Variants in DPH6 observed in about 807,000 individuals in gnomAD.
DPH6 encodes diphthine--ammonia ligase.
A neutral mutation model predicts 38.2 loss-of-function variants in DPH6; 33 were observed. The observed-to-expected ratio is 0.86, with a 90% CI of 0.65 to 1.15. The LOEUF is 1.15. Among genes scored for constraint, DPH6 ranks in the 50% most tolerant of loss-of-function variants. DPH6 has a pLI of 0.00. For missense variants in DPH6, 325 were observed against 320.0 expected, an observed-to-expected ratio of 1.02 and a Z score of -0.12; for synonymous variants, 108 against 103.0, an observed-to-expected ratio of 1.05 and a Z score of -0.30.
At chr15:35,357,011 G>A (rs1014864073) in intron 3 of DPH6, among the ~76,000 whole-genome samples, 4 of 152,026 alleles carry the variant, frequency 2.6e-5, no homozygotes, top group Non-Finnish European at 2.9e-5. Flanking sequence ...CCTCTCTGCC[G>A]CCTTGCAGTT....
chr15:35,483,253 C>A (rs1159678283), intron 3 of DPH6, among the ~76,000 whole-genome samples: 1 of 151,854 alleles, frequency 6.6e-6, no homozygotes. Flanking sequence ...ATCATGAGGT[C>A]AGGAGTTCAA....
At chr15:35,425,376 AT>A (rs1052124380) in intron 5 of DPH6, among the ~76,000 whole-genome samples, 1 of 151,620 alleles carries the variant, frequency 6.6e-6, no homozygotes, top group African/African-American at 2.4e-5. Context: ...CATGAAAGCT[AT>A]TATAGTGTAA....
intron 5 of DPH6, among the ~76,000 whole-genome samples, chr15:35,436,243 G>T (rs532270030): frequency 6.6e-6 from 1 of 151,838 alleles, no homozygotes; most frequent in South Asian, 2.1e-4. Context: ...AAGGCAGGCG[G>T]ATCACGAGGT....
intron 1 of DPH6, among the ~76,000 whole-genome samples, 197 bp from the exon 2 acceptor site, chr15:35,542,704 G>A (rs1267665553): frequency 2.8e-5 from 4 of 144,204 alleles, no homozygotes; most frequent in African/African-American, 8.5e-5. Flanking sequence ...CTACTCACAG[G>A]AGCTTAAGAA....
intron 7 of DPH6, among the ~76,000 whole-genome samples, chr15:35,381,594 C>T (rs184734159): frequency 9.2e-5 from 14 of 152,222 alleles, no homozygotes; most frequent in Admixed American, 4.6e-4. Flanking sequence ...AGCAAGTAAA[C>T]GAAAGTGCAA....
intron 3 of DPH6, among the ~76,000 whole-genome samples, chr15:35,507,638 C>T (rs1237091057): frequency 6.6e-6 from 1 of 151,990 alleles, no homozygotes. Flanking sequence ...CAGTACAATT[C>T]TGAACTGCCT....
intron 3 of DPH6, among the ~76,000 whole-genome samples, chr15:35,343,885 A>G (rs1167110993): frequency 6.6e-6 from 1 of 152,020 alleles, no homozygotes; most frequent in Admixed American, 6.6e-5. Context: ...CATTTGTTTC[A>G]CATGTGAAAA....
chr15:35,318,657 C>G (rs1446216504), intron 3 of DPH6, among the ~76,000 whole-genome samples: 1 of 152,066 alleles, frequency 6.6e-6, no homozygotes, highest in Admixed American at 6.6e-5. Context: ...GAACTAAAAA[C>G]AACAAATATC....
Position 35,512,783 on chromosome 15 carries a change from AT to A in DPH6, c.312+25490del, listed in dbSNP as rs571618537. Among the ~76,000 whole-genome samples the A allele has an allele frequency of 9.4e-4, 143 of 152,262 alleles. 1 individual carries two copies. The highest frequency in any genetic ancestry group is 2.2e-3 in the Admixed American group (34 of 15,292). ...TAATGAATTCAGAAGCAGGTGTATT[AT>A]TTATAGAAATCAACTAGCCAATATG... is the stretch of plus-strand genomic sequence containing the variant. On this transcript the variant is annotated intron_variant, in intron 3 of 8. Coordinates refer to ENST00000256538, the MANE Select transcript of DPH6 (RefSeq NM_080650.4).
rs2051590373 is a variant in DPH6, at chr15:35,240,540, T to C, written n.201-19958A>G. Among the ~76,000 whole-genome samples, 2 of 143,530 alleles carry C rather than the reference T, an allele frequency of 1.4e-5. 1 individual carries two copies. Among genetic ancestry groups the C allele is most frequent in the Admixed American group, 1.5e-4 (2 of 13,282 alleles). 94.2% of individuals were successfully genotyped at this position (143,530 alleles called of 152,430 possible). A position where few individuals can be genotyped will look rare whatever the true frequency, so the allele number is the denominator to read the frequency against. ...TTTTATCGCCTCCCCTCCTCACACC[T>C]GGTCTGGCTTACAGTTTCATTCTGT... On this transcript the variant is annotated intron_variant and non_coding_transcript_variant, in intron 3 of 3. Coordinates refer to the DPH6 transcript ENST00000560386.
At chr15:35,152,611 T>C in the DPH6 span, among the ~76,000 whole-genome samples, 2 of 152,348 alleles carry the variant, frequency 1.3e-5, no homozygotes, top group East Asian at 3.9e-4. Context: ...GCAATACTCC[T>C]GCCTCAGCCT....
At chr15:35,185,234 A>G in the DPH6 span, among the ~76,000 whole-genome samples, 1 of 152,314 alleles carries the variant, frequency 6.6e-6, no homozygotes, top group African/African-American at 2.4e-5. Flanking sequence ...CTGCGTATCA[A>G]GTGACAAGAA....
At position 35,395,899 on chromosome 15, in the gene DPH6, T is replaced by C. The variant is rs143324122; in HGVS notation, c.568-13983A>G. ...ATAGCAGTTAGCATAGAACTGGGTATAGAAGTTCTTACACATACTTATCAT... is the reference window on the plus strand; with the variant it reads ...ATAGCAGTTAGCATAGAACTGGGTACAGAAGTTCTTACACATACTTATCAT... On this transcript the variant is annotated intron_variant, in intron 6 of 8. Coordinates refer to ENST00000256538, the MANE Select transcript of DPH6 (RefSeq NM_080650.4). Among the ~76,000 whole-genome samples the C allele has an allele frequency of 1.8e-4, 28 of 152,328 alleles. 1 individual carries two copies. In the East Asian group the frequency reaches 5.4e-3, roughly 29 times the overall value.
intron 3 of DPH6, among the ~76,000 whole-genome samples, chr15:35,483,879 A>T (rs1008002907): frequency 2.6e-5 from 4 of 152,242 alleles, no homozygotes; most frequent in Admixed American, 6.5e-5. Context: ...ACTGATGTGT[A>T]CAACGTGAAT....
intron 3 of DPH6, among the ~76,000 whole-genome samples, chr15:35,338,475 C>T (rs918599030): frequency 6.6e-6 from 1 of 152,178 alleles, no homozygotes; most frequent in Non-Finnish European, 1.5e-5. Context: ...ATCGAAACCA[C>T]AATGAGATAC....
chr15:35,476,023 A>C (rs1022149431), intron 3 of DPH6, among the ~76,000 whole-genome samples: 1 of 151,868 alleles, frequency 6.6e-6, no homozygotes, highest in African/African-American at 2.4e-5. Flanking sequence ...TACAAACAGT[A>C]CAGAAGAAAA....
chr15:35,245,099 C>T (rs956407048), intron 3 of DPH6, among the ~76,000 whole-genome samples: 1 of 150,568 alleles, frequency 6.6e-6, no homozygotes, highest in African/African-American at 2.4e-5. Context: ...CATGCCCACT[C>T]AGGAAAAAAA....
intron 3 of DPH6, chr15:35,237,893 G>A (rs1246085976): frequency 8.4e-6 from 12 of 1,435,398 alleles, no homozygotes; most frequent in Non-Finnish European, 1.2e-5. Flanking sequence ...GGAGGACGAG[G>A]AGGAGGAGGA....
At chr15:35,491,706 T>C (rs1433334204) in intron 3 of DPH6, among the ~76,000 whole-genome samples, 2 of 102,578 alleles carry the variant, frequency 1.9e-5, no homozygotes, top group African/African-American at 5.2e-5. Flanking sequence ...CATATAAATA[T>C]CTTTATATAT....
Sources: allele counts gnomAD v4.1 joint callset (sites outside exome capture counted in the v4.1 genomes callset), GRCh38; gene constraint gnomAD v4.1.1; transcripts MANE v1.5; gene names NCBI Gene and HGNC (gene_info 2026-07-23, HGNC 2026-07-21).